The following NEGR1 variants were observed in gnomAD, a reference collection of about 807,000 sequenced individuals.
The protein encoded by NEGR1 is IgLON family member 4.
NEGR1 carries 10 observed loss-of-function variants against 40.9 expected under a neutral mutation model. The observed-to-expected ratio is 0.24, with a 90% confidence interval of 0.15 to 0.42. The LOEUF (loss-of-function observed/expected upper bound fraction) is 0.42, where lower values mean the gene tolerates loss of function less well. Ranked by LOEUF, NEGR1 falls within the 10% of genes least tolerant of loss-of-function variation. The probability of loss-of-function intolerance (pLI) is 1.00; values close to 1 mark genes in which losing one functional copy is unlikely to be tolerated. For synonymous variants in NEGR1, 185 were observed against 166.8 expected (o/e 1.11, Z -0.84); for missense variants, 352 against 438.9 (o/e 0.80, Z 1.77).
In NEGR1 at chr1:72,193,826, A is replaced by G. The variant is rs909683327; in HGVS notation, c.176+88493T>C. Among the ~76,000 whole-genome samples the G allele has an allele frequency of 2.0e-5, 3 of 151,708 alleles. No individual in the cohort carries two copies. The Admixed American group carries it at 2.0e-4, about 10-fold the overall frequency. On this transcript the variant is annotated intron_variant, in intron 1 of 6. Transcript: ENST00000357731. ...ATTAAGGTGTATCCCAGATCAAATTATAACCCTGAAAGCCTGCCTCCCATA... is the reference window on the plus strand; with the variant it reads ...ATTAAGGTGTATCCCAGATCAAATTGTAACCCTGAAAGCCTGCCTCCCATA...
chr1:72,015,338 A>G (rs1646699867), intron 1 of NEGR1, among the ~76,000 whole-genome samples: 1 of 152,156 alleles, frequency 6.6e-6, no homozygotes, highest in African/African-American at 2.4e-5. Flanking sequence ...CTTCTAAAAA[A>G]AAAACAGATG....
chr1:72,270,386 A>C (rs13376275), intron 1 of NEGR1, among the ~76,000 whole-genome samples: 1,917 of 152,012 alleles, frequency 0.013, 39 homozygotes, highest in African/African-American at 0.044. Context: ...CCTAGGCAAC[A>C]ATGGCAATGT....
At chr1:72,190,285 T>A (rs1652772999) in intron 1 of NEGR1, among the ~76,000 whole-genome samples, 1 of 151,628 alleles carries the variant, frequency 6.6e-6, no homozygotes, top group African/African-American at 2.4e-5. Flanking sequence ...TGTATGTGTG[T>A]GTACAGACAC....
At chr1:71,828,907 G>A (rs1038854486) in intron 2 of NEGR1, among the ~76,000 whole-genome samples, 1 of 151,962 alleles carries the variant, frequency 6.6e-6, no homozygotes, top group African/African-American at 2.4e-5. Flanking sequence ...ACAAGGCTGA[G>A]GGCAGAGAGT....
intron 2 of NEGR1, among the ~76,000 whole-genome samples, chr1:71,820,188 A>C (rs1479412283): frequency 5.9e-5 from 9 of 152,032 alleles, no homozygotes; most frequent in Admixed American, 2.6e-4. Flanking sequence ...AGTGGGGGCA[A>C]AATAAACAGA....
At chr1:71,912,257 T>G (rs891016163) in intron 2 of NEGR1, among the ~76,000 whole-genome samples, 1 of 152,186 alleles carries the variant, frequency 6.6e-6, no homozygotes, top group Non-Finnish European at 1.5e-5. Context: ...CTGCCCACCT[T>G]CCTCCTAGTC....
At chr1:72,009,483 C>A (rs547957328) in intron 1 of NEGR1, among the ~76,000 whole-genome samples, 1 of 151,686 alleles carries the variant, frequency 6.6e-6, no homozygotes, top group East Asian at 1.9e-4. Context: ...CTTTTAAATG[C>A]AGAGGGTTTT....
rs1317936338 is a variant in NEGR1 at position 71,928,505 on chromosome 1, T to TATATAC, written c.409+6573_409+6574insGTATAT. Among the ~76,000 whole-genome samples the TATATAC allele has an allele frequency of 5.7e-3, 771 of 135,464 alleles. 27 individuals are homozygous for TATATAC. The highest frequency in any genetic ancestry group is 0.02 in the African/African-American group (724 of 36,372). 88.9% of individuals were successfully genotyped at this position (135,464 alleles called of 152,430 possible). A position where few individuals can be genotyped will look rare whatever the true frequency, so the allele number is the denominator to read the frequency against. On this transcript the variant is annotated intron_variant, in intron 2 of 6. Transcript: ENST00000357731. ...ATATATGTATATATACACATATGTA[T>TATATAC]ACATGTGTATATATATACACACATC...
chr1:71,898,997 T>TATATATA (rs1661068426), intron 2 of NEGR1, among the ~76,000 whole-genome samples: 1 of 79,058 alleles, frequency 1.3e-5, no homozygotes, highest in African/African-American at 3.6e-5. Context: ...TATATATATA[T>TATATATA]ATATATATAT....
chr1:71,872,711 A>G (rs1393160950), intron 2 of NEGR1, among the ~76,000 whole-genome samples: 2 of 152,144 alleles, frequency 1.3e-5, no homozygotes, highest in Non-Finnish European at 2.9e-5. Flanking sequence ...TTGACAGATA[A>G]AGGTTGGATT....
At chr1:71,525,391 T>A (rs1176629353) in intron 6 of NEGR1, among the ~76,000 whole-genome samples, 3 of 151,726 alleles carry the variant, frequency 2.0e-5, no homozygotes, top group Non-Finnish European at 3.0e-5. Flanking sequence ...TGCTCTCCCA[T>A]TATAAATCTG....
At chr1:71,668,067 T>C (rs1652299505) in intron 4 of NEGR1, among the ~76,000 whole-genome samples, 1 of 152,204 alleles carries the variant, frequency 6.6e-6, no homozygotes, top group Non-Finnish European at 1.5e-5. Context: ...ATTTTTTGTC[T>C]TTAAATACAT....
chr1:71,701,798 T>A (rs1402292668), intron 3 of NEGR1, among the ~76,000 whole-genome samples: 1 of 152,128 alleles, frequency 6.6e-6, no homozygotes, highest in African/African-American at 2.4e-5. Context: ...ACACGTGGTA[T>A]AATTTATAAA....
intron 1 of NEGR1, among the ~76,000 whole-genome samples, chr1:72,045,895 C>T (rs1202990909): frequency 6.6e-6 from 1 of 151,570 alleles, no homozygotes; most frequent in Non-Finnish European, 1.5e-5. Flanking sequence ...TGACATGAGT[C>T]CAGGTGGATT....
intron 4 of NEGR1, among the ~76,000 whole-genome samples, chr1:71,690,475 G>C (rs953048173): frequency 2.0e-5 from 3 of 151,424 alleles, no homozygotes; most frequent in East Asian, 1.9e-4. Context: ...GGCACCCTGC[G>C]ATGATTTTCA....
chr1:72,119,570 T>C (rs1649720676), intron 1 of NEGR1, among the ~76,000 whole-genome samples: 1 of 151,912 alleles, frequency 6.6e-6, no homozygotes, highest in Non-Finnish European at 1.5e-5. Context: ...GGCAGAAATA[T>C]GTCAAAAGGT....
At chr1:72,149,813 G>A (rs542427409) in intron 1 of NEGR1, among the ~76,000 whole-genome samples, 24 of 148,764 alleles carry the variant, frequency 1.6e-4, no homozygotes, top group African/African-American at 4.5e-4. Flanking sequence ...CCTGGGAGGC[G>A]GAGGTTGTGG....
intron 1 of NEGR1, among the ~76,000 whole-genome samples, chr1:72,189,435 A>C (rs554940215): frequency 6.6e-6 from 1 of 151,644 alleles, no homozygotes; most frequent in Non-Finnish European, 1.5e-5. Flanking sequence ...TAGATGTCAA[A>C]TGTTTGAAAA....
chr1:71,894,283 T>C (rs1315988820), intron 2 of NEGR1, among the ~76,000 whole-genome samples: 1 of 151,116 alleles, frequency 6.6e-6, no homozygotes, highest in Non-Finnish European at 1.5e-5. Context: ...CAAGACTTTT[T>C]GGTATGTGCT....
Sources: gnomAD v4.1 joint callset for allele counts (sites outside exome capture counted in the v4.1 genomes callset) on GRCh38, gnomAD v4.1.1 for gene constraint, MANE v1.5 for transcripts, NCBI Gene and HGNC (gene_info 2026-07-23, HGNC 2026-07-21) for gene names.